TPX2: variants seen among roughly 807,000 people sequenced by gnomAD.
TPX2 encodes TPX2 microtubule nucleation factor.
TPX2 carries 21 observed loss-of-function variants against 93.6 expected under a neutral mutation model. That is an observed-to-expected ratio of 0.22 (90% CI 0.16 to 0.32). TPX2 has a LOEUF of 0.32. TPX2 is among the 10% of genes least tolerant of loss of function. The probability of loss-of-function intolerance (pLI) is 1.00; values close to 1 mark genes in which losing one functional copy is unlikely to be tolerated. For missense variants in TPX2, 776 were observed against 871.1 expected (o/e 0.89, Z 1.37); for synonymous variants, 281 against 298.3 (o/e 0.94, Z 0.60).
chr20:31,756,383 T>C (rs2061852017), intron 2 of TPX2, among the ~76,000 whole-genome samples: 1 of 152,154 alleles, frequency 6.6e-6, no homozygotes, highest in Non-Finnish European at 1.5e-5. Context: ...ACCTGGACTT[T>C]GAATGATGGA....
At chr20:31,760,028 C>A (rs74512745) in intron 3 of TPX2, 29 bp from the exon 4 acceptor site, 1 of 1,608,568 alleles carries the variant, frequency 6.2e-7, no homozygotes, top group South Asian at 1.1e-5. Flanking sequence ...CCTTGCTGAT[C>A]AGACAATGAT....
chr20:31,744,159 C>CTTTTTTTTTTTTTTTTTTTTTT (rs11465034), intron 2 of TPX2, among the ~76,000 whole-genome samples: 1 of 112,270 alleles, frequency 8.9e-6, no homozygotes, highest in African/African-American at 3.7e-5. Context: ...ATTTTTTTAA[C>CTTTTTTTTTTTTTTTTTTTTTT]TTTTTTTTTT....
chr20:31,787,611 A>C (rs2062074926), intron 12 of TPX2, among the ~76,000 whole-genome samples: 1 of 152,176 alleles, frequency 6.6e-6, no homozygotes, highest in South Asian at 2.1e-4. Flanking sequence ...TTTAAGGGGA[A>C]AGGGTGGATA....
chr20:31,792,578 A>T (rs1455409280), intron 12 of TPX2, among the ~76,000 whole-genome samples, 157 bp from the exon 13 acceptor site: 1 of 151,988 alleles, frequency 6.6e-6, no homozygotes, highest in African/African-American at 2.4e-5. Context: ...TTGCGAGGCC[A>T]AGGCAGGAAG....
chr20:31,745,483 A>T (rs1180676347), intron 2 of TPX2, among the ~76,000 whole-genome samples: 1 of 152,064 alleles, frequency 6.6e-6, no homozygotes, highest in African/African-American at 2.4e-5. Context: ...GCACGCCACC[A>T]CACCTGGCTA....
At chr20:31,766,795 C>CTTTT (rs11299452) in intron 5 of TPX2, 113 bp downstream of exon 5, 54 of 450,736 alleles carry the variant, frequency 1.2e-4, no homozygotes, top group South Asian at 3.8e-4. Flanking sequence ...CTTTATGTTA[C>CTTTT]TTTTTTTTTT....
rs771044872 is a variant in TPX2 at position 31,757,448 on chromosome 20, A to G, written c.-29A>G. 2 of 1,582,104 alleles carry G rather than the reference A, an allele frequency of 1.3e-6. No individual in the cohort carries two copies. Among genetic ancestry groups the G allele is most frequent in the Non-Finnish European group, 1.7e-6 (2 of 1,153,082 alleles). On this transcript the variant is annotated 5_prime_UTR_variant, in exon 3 of 18. Transcript: ENST00000300403. ...AAAAGTGGTACAAATACTGGGAAAA[A>G]CCTGCTCTTCTGCGTTAAGTGGGAG...
At position 31,798,268 on chromosome 20, in the gene TPX2, G is replaced by A. The variant is rs1308560810; in HGVS notation, c.1946-97G>A. 5.6e-6 allele frequency: 8 copies of A among 1,430,790 alleles called. No homozygotes were observed. In the African/African-American group the frequency reaches 9.8e-5, roughly 18 times the overall value. The allele number at this position is 1,430,790 out of a possible 1,614,324, so 88.6% of individuals were successfully genotyped here. ...GGCTTGTTTAGAGCACAGTCTTCCT[G>A]TTAGTGTGCATGTCTGTGCCACTTG... On this transcript the variant is annotated intron_variant, in intron 16 of 17. Transcript: ENST00000300403.
intron 4 of TPX2, among the ~76,000 whole-genome samples, chr20:31,762,515 A>G (rs936934421): frequency 6.6e-6 from 1 of 151,682 alleles, no homozygotes; most frequent in African/African-American, 2.4e-5. Flanking sequence ...ACACCCAGCT[A>G]ATTTTTGTAT....
At chr20:31,760,210 G>A in intron 4 of TPX2, 31 bp downstream of exon 4, 1 of 1,611,754 alleles carries the variant, frequency 6.2e-7, no homozygotes, top group Non-Finnish European at 8.5e-7. Flanking sequence ...AAAGCTCCTT[G>A]ATAGAATGGT....
intron 2 of TPX2, among the ~76,000 whole-genome samples, chr20:31,750,865 A>G (rs1467051087): frequency 6.6e-6 from 1 of 152,188 alleles, no homozygotes; most frequent in Non-Finnish European, 1.5e-5. Flanking sequence ...CTGCAAACAT[A>G]GATCTAGGGA....
At chr20:31,788,155 G>A (rs1008575052) in intron 12 of TPX2, among the ~76,000 whole-genome samples, 6 of 152,080 alleles carry the variant, frequency 3.9e-5, no homozygotes, top group Non-Finnish European at 8.8e-5. Flanking sequence ...GGTGGCTCAC[G>A]CCTGTAATCC....
Position 31,781,526 on chromosome 20 carries a change from A to G in TPX2, c.1055-723A>G, listed in dbSNP as rs549133021. Among the ~76,000 whole-genome samples, 211 of 151,496 alleles carry G rather than the reference A, an allele frequency of 1.4e-3. 2 individuals are homozygous for G. Among genetic ancestry groups the G allele is most frequent in the Non-Finnish European group, 1.9e-3 (131 of 67,818 alleles). On this transcript the variant is annotated intron_variant, in intron 10 of 17. Transcript: ENST00000300403. ...GTGATCCCCCTGCCTCGGCCTCCCA[A>G]AGTGCTGGGATTACAGGCGTGAGCC...
chr20:31,751,313 C>A (rs115399770), intron 2 of TPX2, among the ~76,000 whole-genome samples: 2 of 152,070 alleles, frequency 1.3e-5, no homozygotes, highest in Non-Finnish European at 2.9e-5. Context: ...CAGCTTTAGT[C>A]GTCTTCATTA....
intron 5 of TPX2, 113 bp downstream of exon 5, chr20:31,766,795 CTTT>C (rs11299452): frequency 0.02 from 8,778 of 445,358 alleles, no homozygotes; most frequent in South Asian, 0.021. Flanking sequence ...CTTTATGTTA[CTTT>C]TTTTTTTTTT....
intron 12 of TPX2, among the ~76,000 whole-genome samples, chr20:31,791,950 C>A (rs772559789): frequency 2.6e-5 from 4 of 152,164 alleles, no homozygotes; most frequent in Non-Finnish European, 5.9e-5. Flanking sequence ...TCAAAAAATG[C>A]TGTGGAACAA....
At chr20:31,759,005 AT>A (rs1358310848) in intron 3 of TPX2, among the ~76,000 whole-genome samples, 4 of 151,592 alleles carry the variant, frequency 2.6e-5, no homozygotes, top group Non-Finnish European at 4.4e-5. Flanking sequence ...AAACATTTTT[AT>A]TTTTTTTTCT....
chr20:31,796,019 A>C (rs1369324701), intron 15 of TPX2, among the ~76,000 whole-genome samples: 2 of 152,210 alleles, frequency 1.3e-5, no homozygotes, highest in Non-Finnish European at 2.9e-5. Context: ...TTCTCTAAGA[A>C]ACCTTAGGAC....
chr20:31,794,347 G>A, intron 14 of TPX2, 55 bp from the exon 15 acceptor site: 1 of 1,585,430 alleles, frequency 6.3e-7, no homozygotes, highest in Non-Finnish European at 8.6e-7. Flanking sequence ...TTCTGGAGCA[G>A]CTATTGCTTT....
Sources: allele counts gnomAD v4.1 joint callset (sites outside exome capture counted in the v4.1 genomes callset), GRCh38; gene constraint gnomAD v4.1.1; transcripts MANE v1.5; gene names NCBI Gene and HGNC (gene_info 2026-07-23, HGNC 2026-07-21).